MGMT: variants seen among roughly 807,000 people sequenced by gnomAD.
MGMT encodes the protein methylated-DNA--protein-cysteine methyltransferase.
A neutral mutation model predicts 15.9 loss-of-function variants in MGMT; 14 were observed. The ratio of observed to expected loss-of-function variants is 0.88; its 90% CI spans 0.58 to 1.37. MGMT has a LOEUF of 1.37. MGMT is among the 40% of genes most tolerant of loss of function. MGMT has a pLI of 0.00. For missense variants in MGMT, 282 were observed against 268.1 expected (o/e 1.05, Z -0.36); for synonymous variants, 130 against 118.2 (o/e 1.10, Z -0.65).
chr10:129,522,148 G>A (rs1010120143), intron 1 of MGMT, among the ~76,000 whole-genome samples: 2 of 152,210 alleles, frequency 1.3e-5, no homozygotes, highest in Non-Finnish European at 2.9e-5. Flanking sequence ...GCTGAGTCTG[G>A]TGGGGGTTGG....
chr10:129,484,283 C>A (rs1017897539), intron 1 of MGMT, among the ~76,000 whole-genome samples: 2 of 152,218 alleles, frequency 1.3e-5, no homozygotes, highest in East Asian at 3.9e-4. Context: ...TCCTGTGTCT[C>A]CCTGAGCCCT....
intron 1 of MGMT, among the ~76,000 whole-genome samples, chr10:129,517,350 A>G (rs575140775): frequency 6.6e-6 from 1 of 152,308 alleles, no homozygotes; most frequent in East Asian, 1.9e-4. Context: ...CCCAGAGCAC[A>G]TCGTGAATCT....
intron 2 of MGMT, among the ~76,000 whole-genome samples, chr10:129,604,958 G>C (rs1846871511): frequency 6.6e-6 from 1 of 152,182 alleles, no homozygotes. Context: ...CTTAAATGGG[G>C]GCCCCACTGT....
At chr10:129,745,385 C>G (rs1188481488) in intron 3 of MGMT, among the ~76,000 whole-genome samples, 1 of 152,160 alleles carries the variant, frequency 6.6e-6, no homozygotes, top group Admixed American at 6.5e-5. Flanking sequence ...ACGCCGCCCC[C>G]TGGCAGCCAC....
At chr10:129,574,760 G>A (rs1200634391) in intron 2 of MGMT, among the ~76,000 whole-genome samples, 3 of 152,144 alleles carry the variant, frequency 2.0e-5, no homozygotes, top group Middle Eastern at 3.2e-3. Context: ...GAGCATTGTC[G>A]CAGACTTGAT....
intron 2 of MGMT, among the ~76,000 whole-genome samples, chr10:129,593,457 G>A (rs368317007): frequency 3.3e-4 from 50 of 152,310 alleles, no homozygotes; most frequent in African/African-American, 1.1e-3. Context: ...GGCCAGCCCC[G>A]TGTTGCCGAC....
At chr10:129,700,839 C>G (rs1445327558) in intron 2 of MGMT, 2 of 152,218 alleles carry the variant, frequency 1.3e-5, no homozygotes, top group Non-Finnish European at 2.9e-5. Flanking sequence ...ACAAGACACT[C>G]TGCTAGAGAT....
At chr10:129,601,246 T>C (rs1846818006) in intron 2 of MGMT, among the ~76,000 whole-genome samples, 1 of 152,192 alleles carries the variant, frequency 6.6e-6, no homozygotes, top group Non-Finnish European at 1.5e-5. Context: ...CCTTTTCAGT[T>C]TGCAAACAGT....
chr10:129,665,995 A>T (rs1263812432), intron 2 of MGMT, among the ~76,000 whole-genome samples: 2 of 152,160 alleles, frequency 1.3e-5, no homozygotes, highest in South Asian at 2.1e-4. Flanking sequence ...ATGGTTACCT[A>T]AGAGAATATT....
intron 2 of MGMT, among the ~76,000 whole-genome samples, chr10:129,658,964 G>C (rs1187792492): frequency 1.3e-5 from 2 of 152,112 alleles, no homozygotes; most frequent in Non-Finnish European, 1.5e-5. Flanking sequence ...CTGTGGCATA[G>C]GTACCATTCA....
intron 2 of MGMT, among the ~76,000 whole-genome samples, chr10:129,654,068 C>G (rs866025490): frequency 6.6e-6 from 1 of 152,184 alleles, no homozygotes; most frequent in African/African-American, 2.4e-5. Context: ...CACCCTACTA[C>G]TGCACCCTCC....
At chr10:129,537,562 G>T (rs982890549) in intron 2 of MGMT, among the ~76,000 whole-genome samples, 21 of 149,340 alleles carry the variant, frequency 1.4e-4, no homozygotes, top group African/African-American at 3.7e-4. Context: ...TTATGTGTTG[G>T]TTTTTTTTTT....
intron 3 of MGMT, among the ~76,000 whole-genome samples, chr10:129,710,233 C>T (rs993721675): frequency 1.3e-5 from 2 of 152,186 alleles, no homozygotes; most frequent in African/African-American, 2.4e-5. Context: ...CTGGCTCCCC[C>T]GTGGCCCTGC....
chr10:129,742,851 C>T (rs927023338), intron 3 of MGMT, among the ~76,000 whole-genome samples: 2 of 150,520 alleles, frequency 1.3e-5, no homozygotes, highest in Non-Finnish European at 3.0e-5. Flanking sequence ...CAGTGCCGCA[C>T]GACTGCAGTG....
chr10:129,733,483 C>T lies in MGMT; in HGVS notation c.274+25440C>T, dbSNP rs1365729546. 2.6e-3 allele frequency among the ~76,000 whole-genome samples: 384 copies of T among 148,550 alleles called. 1 individual carries two copies. Among genetic ancestry groups the T allele is most frequent in the African/African-American group, 5.6e-3 (227 of 40,782 alleles). ...AGCCCTTTGTCAGATGAGTAGGTTG[C>T]GAAAATTTTCTCCCATTTTGTAGGT... On this transcript the variant is annotated intron_variant, in intron 3 of 4. Transcript: ENST00000651593.
At chr10:129,600,508 C>G (rs1347689389) in intron 2 of MGMT, among the ~76,000 whole-genome samples, 5 of 152,218 alleles carry the variant, frequency 3.3e-5, no homozygotes, top group Non-Finnish European at 5.9e-5. Flanking sequence ...TTGGACTGGG[C>G]AGACATGCCG....
At chr10:129,674,501 G>T (rs983317873) in intron 2 of MGMT, among the ~76,000 whole-genome samples, 1 of 152,204 alleles carries the variant, frequency 6.6e-6, no homozygotes. Context: ...CCTCTTAATG[G>T]CCACATGGAC....
At chr10:129,737,914 C>T (rs1031559811) in intron 3 of MGMT, among the ~76,000 whole-genome samples, 5 of 152,352 alleles carry the variant, frequency 3.3e-5, no homozygotes, top group East Asian at 1.9e-4. Flanking sequence ...TGCCCGTTCT[C>T]AGATCTGTAG....
chr10:129,470,025 T>C (rs1845212920), intron 1 of MGMT, among the ~76,000 whole-genome samples: 1 of 152,218 alleles, frequency 6.6e-6, no homozygotes, highest in Non-Finnish European at 1.5e-5. Flanking sequence ...CAGGATATTA[T>C]TTAAACGAAA....
Sources: gnomAD v4.1 joint callset for allele counts (sites outside exome capture counted in the v4.1 genomes callset) on GRCh38, gnomAD v4.1.1 for gene constraint, MANE v1.5 for transcripts, NCBI Gene and HGNC (gene_info 2026-07-23, HGNC 2026-07-21) for gene names.